TIMM17A: variants seen among roughly 807,000 people sequenced by gnomAD.
The protein encoded by TIMM17A is mitochondrial import inner membrane translocase subunit Tim17-A.
In TIMM17A, 15 loss-of-function variants were observed where a neutral mutation model predicts 26.5. The observed-to-expected ratio is 0.57, with a 90% confidence interval of 0.38 to 0.87. The LOEUF (loss-of-function observed/expected upper bound fraction) is 0.87, where lower values mean the gene tolerates loss of function less well. TIMM17A is among the 40% of genes least tolerant of loss of function. The pLI, the probability that TIMM17A is intolerant of heterozygous loss-of-function variation, is 0.00. For synonymous variants in TIMM17A, 80 were observed against 70.8 expected, an observed-to-expected ratio of 1.13 and a Z score of -0.66; for missense variants, 201 against 210.0, an observed-to-expected ratio of 0.96 and a Z score of 0.27.
At chr1:201,964,123 G>T (rs1682580690) in intron 4 of TIMM17A, among the ~76,000 whole-genome samples, 1 of 151,928 alleles carries the variant, frequency 6.6e-6, no homozygotes, top group Non-Finnish European at 1.5e-5. Flanking sequence ...TGTTTAATTT[G>T]GCATAGCATA....
Position 201,969,628 on chromosome 1 carries a change from C to A in TIMM17A, c.*74C>A. On this transcript the variant is annotated 3_prime_UTR_variant, in exon 6 of 6. Coordinates refer to ENST00000367287, the MANE Select transcript of TIMM17A (RefSeq NM_006335.3). ...GGATTTCAGAAGATCAAGTTACAGT[C>A]TGTTTTTAAAACCATAGGTGGGACA... The A allele has an allele frequency of 2.2e-6, 3 of 1,343,626 alleles. No homozygotes were observed. Among genetic ancestry groups the A allele is most frequent in the South Asian group, 1.2e-5 (1 of 83,796 alleles). 83.2% of individuals were successfully genotyped at this position (1,343,626 alleles called of 1,614,324 possible).
At chr1:201,958,880 A>G (rs1682474403) in intron 3 of TIMM17A, among the ~76,000 whole-genome samples, 1 of 152,218 alleles carries the variant, frequency 6.6e-6, no homozygotes, top group Admixed American at 6.5e-5. Flanking sequence ...CATTTTCCAG[A>G]TGAGGAAATT....
chr1:201,960,471 T>C (rs1286439881), intron 3 of TIMM17A, among the ~76,000 whole-genome samples: 2 of 152,030 alleles, frequency 1.3e-5, no homozygotes, highest in East Asian at 1.9e-4. Flanking sequence ...AATGTAGATG[T>C]TGGTAATAGG....
intron 5 of TIMM17A, 66 bp from the exon 6 acceptor site, chr1:201,969,403 G>C (rs1271201056): frequency 7.9e-7 from 1 of 1,272,228 alleles, no homozygotes; most frequent in African/African-American, 1.5e-5. Flanking sequence ...TCTCTATAGA[G>C]ATTTGTTCTT....
chr1:201,963,836 T>G, intron 4 of TIMM17A, 92 bp downstream of exon 4: 2 of 1,352,668 alleles, frequency 1.5e-6, no homozygotes, highest in East Asian at 5.0e-5. Context: ...TATATAAAAC[T>G]GATTATTGAC....
chr1:201,961,903 G>T (rs1233020303), intron 3 of TIMM17A, among the ~76,000 whole-genome samples: 1 of 151,660 alleles, frequency 6.6e-6, no homozygotes, highest in Non-Finnish European at 1.5e-5. Context: ...AGTATACTCT[G>T]ACACTCCATG....
chr1:201,962,829 C>T (rs1325954984), intron 3 of TIMM17A: 2 of 152,160 alleles, frequency 1.3e-5, no homozygotes, highest in African/African-American at 4.8e-5. Flanking sequence ...ACCTGTAATA[C>T]GTTCCAGAAT....
intron 3 of TIMM17A, chr1:201,962,280 G>A (rs1486834681): frequency 2.0e-5 from 3 of 152,202 alleles, no homozygotes; most frequent in African/African-American, 7.2e-5. Flanking sequence ...AGGATGTGAT[G>A]TCTAATATTG....
At chr1:201,958,776 G>T (rs1023103298) in intron 3 of TIMM17A, among the ~76,000 whole-genome samples, 3 of 152,194 alleles carry the variant, frequency 2.0e-5, no homozygotes, top group African/African-American at 7.2e-5. Context: ...TAATACTTCA[G>T]TCGTTCCTTA....
At chr1:201,955,656 T>C (rs1333785639) in intron 1 of TIMM17A, 104 bp downstream of exon 1, 4 of 1,520,234 alleles carry the variant, frequency 2.6e-6, no homozygotes, top group African/African-American at 1.4e-5. Context: ...AACCGCAGCC[T>C]CGTCGACTTG....
chr1:201,957,702 C>T (rs1682441120), intron 3 of TIMM17A, 128 bp downstream of exon 3: 1 of 674,496 alleles, frequency 1.5e-6, no homozygotes, highest in African/African-American at 1.9e-5. Flanking sequence ...AAACATATAT[C>T]CCTATAGTTT....
chr1:201,956,528 C>T (rs910561581), intron 1 of TIMM17A, among the ~76,000 whole-genome samples: 2 of 152,216 alleles, frequency 1.3e-5, no homozygotes, highest in African/African-American at 4.8e-5. Context: ...TCAAACTTAT[C>T]TTCTTCAAAG....
chr1:201,970,663 C>T lies in TIMM17A; in HGVS notation c.*1109C>T, dbSNP rs1441319048. On this transcript the variant is annotated 3_prime_UTR_variant, in exon 6 of 6. Transcript: ENST00000367287. ...TATACATAAAATAATACTTATTAAC[C>T]ATTTGTAAGTGTATAATTCAGTGGC... 5.9e-5 allele frequency: 9 copies of T among 152,118 alleles called. No homozygotes were observed. The East Asian group carries it at 1.7e-3, about 29-fold the overall frequency. The allele number at this position is 152,118 out of a possible 1,614,324, so 9.4% of individuals were successfully genotyped here. A position where few individuals can be genotyped will look rare whatever the true frequency, so the allele number is the denominator to read the frequency against.
chr1:201,964,609 A>G (rs931864801), intron 4 of TIMM17A, among the ~76,000 whole-genome samples: 20 of 104,628 alleles, frequency 1.9e-4, no homozygotes, highest in Non-Finnish European at 2.9e-4. Flanking sequence ...GTAAAACTTT[A>G]TTTATTTATT....
At chr1:201,969,147 T>C (rs56409446) in intron 5 of TIMM17A, among the ~76,000 whole-genome samples, 2,603 of 152,326 alleles carry the variant, frequency 0.017, 76 homozygotes, top group African/African-American at 0.059. Flanking sequence ...AATCTTGATA[T>C]ATGGCAGCTT....
intron 3 of TIMM17A, among the ~76,000 whole-genome samples, chr1:201,961,642 A>G (rs1229484046): frequency 6.6e-6 from 1 of 152,142 alleles, no homozygotes; most frequent in Non-Finnish European, 1.5e-5. Context: ...GCTTGAGCCC[A>G]GGAGTTCAAC....
rs189598569 is a variant in TIMM17A at position 201,968,123 on chromosome 1, A to C, written c.431-1346A>C. Among the ~76,000 whole-genome samples, 6 of 151,934 alleles carry C rather than the reference A, an allele frequency of 3.9e-5. No homozygotes were observed. In the East Asian group the frequency reaches 1.2e-3, roughly 29 times the overall value. On this transcript the variant is annotated intron_variant, in intron 5 of 5. Coordinates refer to ENST00000367287, the MANE Select transcript of TIMM17A (RefSeq NM_006335.3). The stretch of plus-strand genomic sequence containing the variant: ...GCGATTCTTCTGTCTCAGCCTCCTG[A>C]GTAGCTGGGACTACAGGTGCGCAAC...
At chr1:201,957,641 T>G (rs1199276416) in intron 3 of TIMM17A, 67 bp downstream of exon 3, 1 of 1,331,380 alleles carries the variant, frequency 7.5e-7, no homozygotes, top group Non-Finnish European at 1.1e-6. Context: ...GCTATTTTTA[T>G]TTTTAGATTA....
At chr1:201,963,423 A>G (rs1214817113) in intron 3 of TIMM17A, 193 bp from the exon 4 acceptor site, 5 of 568,766 alleles carry the variant, frequency 8.8e-6, no homozygotes, top group Non-Finnish European at 1.5e-5. Context: ...TCCAGCTGAT[A>G]TAATACAATC....
Sources: allele counts gnomAD v4.1 joint callset (sites outside exome capture counted in the v4.1 genomes callset), GRCh38; gene constraint gnomAD v4.1.1; transcripts MANE v1.5; gene names NCBI Gene and HGNC (gene_info 2026-07-23, HGNC 2026-07-21).